MEI4: variants seen among roughly 807,000 people sequenced by gnomAD.
MEI4 encodes meiosis-specific protein MEI4.
A neutral mutation model predicts 31.4 loss-of-function variants in MEI4; 27 were observed. The observed-to-expected ratio is 0.86, with a 90% CI of 0.63 to 1.19. The LOEUF is 1.19. Ranked by LOEUF, MEI4 falls within the 50% of genes most tolerant of loss-of-function variation. MEI4 has a pLI of 0.00. For synonymous variants in MEI4, 122 were observed against 145.4 expected (o/e 0.84, Z 1.16); for missense variants, 329 against 398.9 (o/e 0.82, Z 1.49).
At chr6:77,740,683 C>G (rs1219331245) in intron 2 of MEI4, among the ~76,000 whole-genome samples, 5 of 152,084 alleles carry the variant, frequency 3.3e-5, no homozygotes, top group Non-Finnish European at 7.4e-5. Flanking sequence ...ATAGATGGTA[C>G]TAACAAATTG....
intron 3 of MEI4, among the ~76,000 whole-genome samples, chr6:77,782,842 TTCAA>T (rs1235644757): frequency 6.6e-6 from 1 of 152,198 alleles, no homozygotes; most frequent in Non-Finnish European, 1.5e-5. Flanking sequence ...ATTTATTATT[TTCAA>T]TCAAAGTCCT....
At chr6:77,669,944 C>T (rs144347929) in intron 1 of MEI4, among the ~76,000 whole-genome samples, 4 of 152,282 alleles carry the variant, frequency 2.6e-5, no homozygotes, top group African/African-American at 9.6e-5. Context: ...CTTGTGTAGT[C>T]ACAGAATCAG....
intron 4 of MEI4, among the ~76,000 whole-genome samples, chr6:77,914,300 T>G (rs772053879): frequency 6.6e-6 from 1 of 150,562 alleles, no homozygotes; most frequent in East Asian, 1.9e-4. Context: ...GTATTGATTT[T>G]TATTTGTTTC....
intron 2 of MEI4, among the ~76,000 whole-genome samples, chr6:77,748,550 C>A (rs1349867567): frequency 6.6e-6 from 1 of 152,182 alleles, no homozygotes; most frequent in African/African-American, 2.4e-5. Context: ...CCATTTTATC[C>A]TACTAGGCCT....
chr6:77,698,717 A>G (rs1411864422), intron 2 of MEI4, among the ~76,000 whole-genome samples: 1 of 152,000 alleles, frequency 6.6e-6, no homozygotes, highest in Non-Finnish European at 1.5e-5. Flanking sequence ...CCTTCATTTC[A>G]ACTTTGGTGA....
intron 4 of MEI4, among the ~76,000 whole-genome samples, chr6:77,841,335 T>TATATATATA (rs1447791713): frequency 4.7e-5 from 1 of 21,284 alleles, no homozygotes; most frequent in Non-Finnish European, 7.0e-5. Flanking sequence ...ATATATATAT[T>TATATATATA]TTTTTTTTTT....
intron 4 of MEI4, among the ~76,000 whole-genome samples, chr6:77,861,069 C>A (rs1160829046): frequency 6.6e-6 from 1 of 152,200 alleles, no homozygotes; most frequent in East Asian, 1.9e-4. Flanking sequence ...CCAACCCCAT[C>A]ACCCTCATAG....
intron 2 of MEI4, among the ~76,000 whole-genome samples, chr6:77,700,450 A>G (rs1766190041): frequency 6.6e-6 from 1 of 152,182 alleles, no homozygotes; most frequent in South Asian, 2.1e-4. Flanking sequence ...GGAAAAGCGC[A>G]GTATTTGGAT....
intron 1 of MEI4, among the ~76,000 whole-genome samples, chr6:77,680,272 C>T (rs1034940504): frequency 2.3e-4 from 35 of 150,934 alleles, no homozygotes; most frequent in Admixed American, 7.9e-4. Context: ...GAGACTCCAT[C>T]TCAAAAAATA....
intron 1 of MEI4, among the ~76,000 whole-genome samples, chr6:77,670,423 T>G (rs1768716777): frequency 6.6e-6 from 1 of 152,138 alleles, no homozygotes; most frequent in Admixed American, 6.5e-5. Context: ...GACTGAACCA[T>G]AACATCTAGG....
At chr6:77,761,745 C>T (rs1292335370) in intron 3 of MEI4, 80 bp downstream of exon 3, 1 of 1,013,410 alleles carries the variant, frequency 9.9e-7, no homozygotes, top group Admixed American at 4.3e-5. Context: ...CTGTTGTTGT[C>T]CCTTAGCCTT....
At chr6:77,884,042 A>G (rs1771565704) in intron 4 of MEI4, among the ~76,000 whole-genome samples, 1 of 152,000 alleles carries the variant, frequency 6.6e-6, no homozygotes, top group African/African-American at 2.4e-5. Context: ...TGTCTTTTGG[A>G]TAATAGCCAT....
At chr6:77,867,799 A>G (rs1458992681) in intron 4 of MEI4, among the ~76,000 whole-genome samples, 1 of 152,190 alleles carries the variant, frequency 6.6e-6, no homozygotes, top group African/African-American at 2.4e-5. Flanking sequence ...TCACAATAGC[A>G]AAGACTTGGA....
intron 1 of MEI4, among the ~76,000 whole-genome samples, chr6:77,686,644 G>C (rs970072636): frequency 1.8e-4 from 27 of 151,972 alleles, no homozygotes; most frequent in African/African-American, 6.3e-4. Context: ...TATTCAGACT[G>C]GTGACAGGTT....
intron 4 of MEI4, among the ~76,000 whole-genome samples, chr6:77,906,778 T>A (rs192543216): frequency 1.2e-3 from 181 of 152,198 alleles, no homozygotes; most frequent in African/African-American, 4.3e-3. Flanking sequence ...ATTGCCACAT[T>A]GGTAACTGTA....
At chr6:77,841,462 C>G (rs757281082) in intron 4 of MEI4, among the ~76,000 whole-genome samples, 1 of 149,750 alleles carries the variant, frequency 6.7e-6, no homozygotes, top group Non-Finnish European at 1.5e-5. Flanking sequence ...GACTCAGCCT[C>G]CAGAGTAGCT....
chr6:77,883,715 A>AGAG (rs1562025017), intron 4 of MEI4, among the ~76,000 whole-genome samples: 1 of 65,612 alleles, frequency 1.5e-5, no homozygotes, highest in African/African-American at 7.4e-5. Context: ...GCTATTATGT[A>AGAG]AGATATATAT....
chr6:77,914,722 T>A (rs13193491), intron 4 of MEI4, among the ~76,000 whole-genome samples: 5,262 of 152,204 alleles, frequency 0.035, 127 homozygotes, highest in Non-Finnish European at 0.053. Context: ...TCCCCTTAGA[T>A]CTAATAATAT....
rs1443166431 is a variant in MEI4, at chr6:77,868,527, A to ATATATATATATATATATATG, written c.900+39466_900+39467insATATATATATATATATATGT. 1.1e-4 allele frequency among the ~76,000 whole-genome samples: 15 copies of ATATATATATATATATATATG among 141,042 alleles called. 2 individuals carry two copies. The highest frequency in any genetic ancestry group is 5.0e-4 in the Admixed American group (7 of 13,872). 92.5% of individuals were successfully genotyped at this position (141,042 alleles called of 152,430 possible). A position where few individuals can be genotyped will look rare whatever the true frequency, so the allele number is the denominator to read the frequency against. ...CATATATATATATATATATATATAT[A>ATATATATATATATATATATG]TGCAGATTTCAAGTAAAATCTCTTA... On this transcript the variant is annotated intron_variant, in intron 4 of 4. Coordinates refer to ENST00000684080, the MANE Select transcript of MEI4 (RefSeq NM_001322247.2).
Sources: gnomAD v4.1 joint callset for allele counts (sites outside exome capture counted in the v4.1 genomes callset) on GRCh38, gnomAD v4.1.1 for gene constraint, MANE v1.5 for transcripts, NCBI Gene and HGNC (gene_info 2026-07-23, HGNC 2026-07-21) for gene names.